PTPRD: variants seen among roughly 807,000 people sequenced by gnomAD.
PTPRD encodes protein tyrosine phosphatase receptor type D.
A neutral mutation model predicts 214.5 loss-of-function variants in PTPRD; 34 were observed. The observed-to-expected ratio is 0.16, with a 90% CI of 0.12 to 0.21. PTPRD has a LOEUF of 0.21. Among genes scored for constraint, PTPRD ranks in the 10% least tolerant of loss-of-function variants. The pLI, the probability that PTPRD is intolerant of heterozygous loss-of-function variation, is 1.00. For missense variants in PTPRD, 2,545 were observed against 2,398.7 expected (o/e 1.06, Z -1.27); for synonymous variants, 1,128 against 845.7 (o/e 1.33, Z -5.79).
chr9:10,548,032 T>C (rs1189489042), intron 2 of PTPRD, among the ~76,000 whole-genome samples: 2 of 152,106 alleles, frequency 1.3e-5, no homozygotes, highest in African/African-American at 2.4e-5. Context: ...AAGACAGAGC[T>C]CTAGCAGTTG....
At position 9,468,090 on chromosome 9, in the gene PTPRD, G is replaced by C. The variant is rs2094341196; in HGVS notation, c.-236-70608C>G. 2.6e-5 allele frequency among the ~76,000 whole-genome samples: 4 copies of C among 151,972 alleles called. No homozygotes were observed. The South Asian group carries it at 8.3e-4, about 31-fold the overall frequency. ...GGAAATTTACTTCTTAGGATTTGTA[G>C]AACTTACTCCTACTAGACCTACTGT... is the stretch of plus-strand genomic sequence containing the variant. On this transcript the variant is annotated intron_variant, in intron 8 of 45. Transcript: ENST00000381196.
At chr9:9,945,203 T>C (rs1253773814) in intron 4 of PTPRD, among the ~76,000 whole-genome samples, 1 of 152,074 alleles carries the variant, frequency 6.6e-6, no homozygotes, top group Non-Finnish European at 1.5e-5. Flanking sequence ...GAAGTGTCAG[T>C]TGTAAGATGC....
At chr9:8,358,836 G>A (rs887915928) in intron 39 of PTPRD, among the ~76,000 whole-genome samples, 2 of 151,880 alleles carry the variant, frequency 1.3e-5, no homozygotes, top group African/African-American at 4.8e-5. Flanking sequence ...ATATAAAATT[G>A]AATCAGATTT....
chr9:9,788,606 G>A (rs1267678624), intron 5 of PTPRD, among the ~76,000 whole-genome samples: 1 of 151,640 alleles, frequency 6.6e-6, no homozygotes, highest in Non-Finnish European at 1.5e-5. Flanking sequence ...TTTCTAAGGG[G>A]TGGTAATGGA....
intron 11 of PTPRD, among the ~76,000 whole-genome samples, chr9:8,900,220 T>C (rs2098656471): frequency 6.6e-6 from 1 of 152,164 alleles, no homozygotes; most frequent in Admixed American, 6.6e-5. Flanking sequence ...AAAGCACCAT[T>C]AGAAAGTAAT....
At chr9:9,194,641 A>G (rs10114971) in intron 9 of PTPRD, among the ~76,000 whole-genome samples, 12,188 of 152,184 alleles carry the variant, frequency 0.08, 606 homozygotes, top group East Asian at 0.15. Context: ...AGACAAGAGG[A>G]ATGTGCAAAG....
intron 2 of PTPRD, among the ~76,000 whole-genome samples, chr9:10,354,728 G>A (rs555056330): frequency 3.9e-5 from 6 of 152,234 alleles, no homozygotes; most frequent in Admixed American, 1.3e-4. Flanking sequence ...CTAGGGTGAC[G>A]TTATATCTTC....
chr9:10,393,649 TAG>T (rs199987535), intron 2 of PTPRD, among the ~76,000 whole-genome samples: 42 of 144,478 alleles, frequency 2.9e-4, no homozygotes, highest in Non-Finnish European at 3.5e-4. Flanking sequence ...ATATATATAT[TAG>T]AGAGAGAGAG....
chr9:10,295,685 T>C (rs1217240590), intron 3 of PTPRD, among the ~76,000 whole-genome samples: 1 of 152,074 alleles, frequency 6.6e-6, no homozygotes, highest in Non-Finnish European at 1.5e-5. Context: ...CTACTTTACA[T>C]GGCAAAAGGA....
intron 2 of PTPRD, among the ~76,000 whole-genome samples, chr9:10,507,947 A>C (rs2046597806): frequency 6.6e-6 from 1 of 152,182 alleles, no homozygotes; most frequent in Non-Finnish European, 1.5e-5. Flanking sequence ...AAACTGACAA[A>C]TGGGATCTAA....
chr9:10,363,991 G>GTTTTTGT (rs1555222212), intron 2 of PTPRD, among the ~76,000 whole-genome samples: 5,375 of 35,066 alleles, frequency 0.15, 985 homozygotes, highest in South Asian at 0.19. Flanking sequence ...ACATTTTCGG[G>GTTTTTGT]TTTTTTTTTT....
chr9:9,021,610 G>T (rs541383457), intron 10 of PTPRD, among the ~76,000 whole-genome samples: 1 of 151,980 alleles, frequency 6.6e-6, no homozygotes, highest in African/African-American at 2.4e-5. Context: ...CATTGCTGTC[G>T]TAGGAGATGA....
chr9:8,563,187 T>C (rs1459257154), intron 14 of PTPRD, among the ~76,000 whole-genome samples: 1 of 152,076 alleles, frequency 6.6e-6, no homozygotes, highest in Non-Finnish European at 1.5e-5. Flanking sequence ...AAAATTAATA[T>C]ATAGTGACAG....
At chr9:10,471,134 A>G (rs559794217) in intron 2 of PTPRD, among the ~76,000 whole-genome samples, 13 of 143,672 alleles carry the variant, frequency 9.0e-5, no homozygotes, top group South Asian at 7.1e-4. Context: ...ATCACACACC[A>G]GGGCCTGTTG....
intron 3 of PTPRD, among the ~76,000 whole-genome samples, chr9:10,046,810 T>C (rs918853465): frequency 2.9e-4 from 44 of 152,080 alleles, no homozygotes; most frequent in African/African-American, 1.1e-3. Context: ...CAAGTTAGTT[T>C]AGGCAAATGC....
chr9:8,972,696 T>G (rs2099245815), intron 11 of PTPRD, among the ~76,000 whole-genome samples: 1 of 151,952 alleles, frequency 6.6e-6, no homozygotes, highest in Non-Finnish European at 1.5e-5. Context: ...GTAAGAAAAC[T>G]GAAAACCAAG....
intron 16 of PTPRD, 147 bp downstream of exon 16, chr9:8,527,198 G>C: frequency 1.3e-6 from 1 of 741,248 alleles, no homozygotes; most frequent in Non-Finnish European, 2.2e-6. Context: ...CAGTTCTGTG[G>C]AGGTGTGTGT....
At chr9:8,659,114 A>G (rs1181440646) in intron 12 of PTPRD, among the ~76,000 whole-genome samples, 1 of 152,126 alleles carries the variant, frequency 6.6e-6, no homozygotes, top group African/African-American at 2.4e-5. Context: ...ACACTGTGCC[A>G]TTCCTTTGAA....
chr9:9,607,712 GA>G (rs1783401617), intron 7 of PTPRD, among the ~76,000 whole-genome samples: 1 of 149,430 alleles, frequency 6.7e-6, no homozygotes, highest in Non-Finnish European at 1.5e-5. Context: ...TGTTATTGCT[GA>G]TGTTATTATA....
Sources: gnomAD v4.1 joint callset for allele counts (sites outside exome capture counted in the v4.1 genomes callset) on GRCh38, gnomAD v4.1.1 for gene constraint, MANE v1.5 for transcripts, NCBI Gene and HGNC (gene_info 2026-07-23, HGNC 2026-07-21) for gene names.